Variants in CUX1 observed in about 807,000 individuals in gnomAD.
CUX1 encodes the protein cut like homeobox 1.
A neutral mutation model predicts 158.8 loss-of-function variants in CUX1; 31 were observed. That is an observed-to-expected ratio of 0.20 (90% confidence interval 0.15 to 0.26). The LOEUF is 0.26. CUX1 is among the 10% of genes least tolerant of loss of function. The pLI, the probability that CUX1 is intolerant of heterozygous loss-of-function variation, is 1.00. For synonymous variants in CUX1, 879 were observed against 862.1 expected, an observed-to-expected ratio of 1.02 and a Z score of -0.34; for missense variants, 1,589 against 2,014.6, an observed-to-expected ratio of 0.79 and a Z score of 4.04.
chr7:102,275,251 T>C (rs1177301345), exon 17 of CUX1: 2 of 1,608,004 alleles, frequency 1.2e-6, no homozygotes, highest in Non-Finnish European at 1.7e-6. Flanking sequence ...TGCTAGGACC[T>C]GCAGCACCAG....
intron 1 of CUX1, among the ~76,000 whole-genome samples, chr7:101,828,702 C>T (rs1793661080): frequency 1.0e-5 from 1 of 95,864 alleles, no homozygotes; most frequent in Non-Finnish European, 2.1e-5. Context: ...CCCTCATAGG[C>T]TTTGTGCCTC....
chr7:101,856,290 G>A (rs188116808), intron 1 of CUX1, among the ~76,000 whole-genome samples: 4 of 151,912 alleles, frequency 2.6e-5, no homozygotes, highest in African/African-American at 7.2e-5. Context: ...GCAGGGAGCC[G>A]TTAATCACGA....
intron 1 of CUX1, among the ~76,000 whole-genome samples, chr7:101,892,585 A>G (rs1801004683): frequency 6.6e-6 from 1 of 152,140 alleles, no homozygotes. Flanking sequence ...CAAGAATGTG[A>G]CTGTTTAATT....
At chr7:102,278,029 T>G (rs954892566) in exon 18 of CUX1, 3 of 1,610,202 alleles carry the variant, frequency 1.9e-6, no homozygotes, top group Non-Finnish European at 8.5e-7. Flanking sequence ...TCAAGCTCTT[T>G]GAGAAGATCA....
At chr7:102,081,299 C>T (rs376070840) in intron 4 of CUX1, among the ~76,000 whole-genome samples, 9 of 117,030 alleles carry the variant, frequency 7.7e-5, no homozygotes, top group African/African-American at 1.8e-4. Flanking sequence ...TCACCATTCA[C>T]GCAGGTGCTT....
At chr7:101,977,954 C>T (rs183943438) in intron 2 of CUX1, among the ~76,000 whole-genome samples, 1 of 151,936 alleles carries the variant, frequency 6.6e-6, no homozygotes, top group East Asian at 1.9e-4. Flanking sequence ...CCACTTTCCC[C>T]TTCTTAAAAC....
At chr7:102,214,041 A>T (rs1284899770) in intron 20 of CUX1, among the ~76,000 whole-genome samples, 1 of 152,178 alleles carries the variant, frequency 6.6e-6, no homozygotes, top group African/African-American at 2.4e-5. Flanking sequence ...AGGCTGAGGC[A>T]GGAGAATTAA....
At chr7:101,986,560 C>G (rs528075237) in intron 2 of CUX1, among the ~76,000 whole-genome samples, 2 of 152,154 alleles carry the variant, frequency 1.3e-5, no homozygotes, top group African/African-American at 4.8e-5. Flanking sequence ...CCAGGCCCAT[C>G]GCTGTGTTGG....
chr7:102,097,194 C>T (rs1198425208), intron 4 of CUX1, among the ~76,000 whole-genome samples, 170 bp from the exon 5 acceptor site: 1 of 152,276 alleles, frequency 6.6e-6, no homozygotes, highest in Non-Finnish European at 1.5e-5. Flanking sequence ...TTGTAAAGCA[C>T]TGGAGAATTC....
Position 101,939,897 on chromosome 7 carries a change from A to AT in CUX1, c.141+23673dup, listed in dbSNP as rs1299501763. Reference sequence around the variant, plus strand: ...GGAGTTCAAGACCAGCCTGACCGACATGGTGAAACCCCATCTCTACTAAAA... The same window carrying AT: ...GGAGTTCAAGACCAGCCTGACCGACATTGGTGAAACCCCATCTCTACTAAAA... On this transcript the variant is annotated intron_variant, in intron 2 of 23. Transcript: ENST00000292535. Among the ~76,000 whole-genome samples the AT allele has an allele frequency of 5.3e-5, 8 of 152,242 alleles. No homozygotes were observed. The East Asian group carries it at 1.5e-3, about 29-fold the overall frequency.
intron 1 of CUX1, among the ~76,000 whole-genome samples, chr7:101,889,902 T>G (rs975428170): frequency 1.3e-5 from 2 of 152,210 alleles, no homozygotes; most frequent in African/African-American, 4.8e-5. Context: ...TGAAACTCTC[T>G]CGCGATCCCA....
intron 2 of CUX1, among the ~76,000 whole-genome samples, chr7:101,918,765 CT>C (rs911822637): frequency 3.3e-5 from 5 of 151,888 alleles, no homozygotes; most frequent in South Asian, 2.1e-4. Context: ...CTGCTGGTAA[CT>C]TTTTTTTTAT....
chr7:102,021,237 G>T (rs150886148), intron 2 of CUX1, among the ~76,000 whole-genome samples: 1 of 152,126 alleles, frequency 6.6e-6, no homozygotes, highest in Non-Finnish European at 1.5e-5. Context: ...TGCAGTCAGG[G>T]TTATTTCCCA....
intron 20 of CUX1, among the ~76,000 whole-genome samples, chr7:102,207,457 T>A (rs868944632): frequency 7.4e-5 from 11 of 148,562 alleles, no homozygotes; most frequent in East Asian, 2.0e-4. Context: ...GAAAAAATAT[T>A]TTTTTTTTTT....
At chr7:101,913,478 T>C (rs1051972563) in intron 1 of CUX1, 4 of 1,120,192 alleles carry the variant, frequency 3.6e-6, no homozygotes, top group Non-Finnish European at 4.6e-6. Flanking sequence ...TTCAGTTTCC[T>C]CCTCCACCAG....
chr7:101,907,970 A>C (rs962219450), intron 1 of CUX1, among the ~76,000 whole-genome samples: 1 of 152,060 alleles, frequency 6.6e-6, no homozygotes, highest in African/African-American at 2.4e-5. Flanking sequence ...GAAAAAAAAA[A>C]CCATCGTTTA....
intron 8 of CUX1, among the ~76,000 whole-genome samples, chr7:102,149,958 A>G (rs902117441): frequency 6.6e-6 from 1 of 152,096 alleles, no homozygotes; most frequent in Non-Finnish European, 1.5e-5. Flanking sequence ...GTGGTGAAAA[A>G]TGTCCCCCCT....
chr7:101,944,385 T>C (rs1188995794), intron 2 of CUX1, among the ~76,000 whole-genome samples: 1 of 152,214 alleles, frequency 6.6e-6, no homozygotes, highest in African/African-American at 2.4e-5. Context: ...AGCGTTGTGC[T>C]CTGGCAGTCT....
chr7:101,971,234 C>T (rs959006411), intron 2 of CUX1, among the ~76,000 whole-genome samples: 3 of 152,202 alleles, frequency 2.0e-5, no homozygotes, highest in African/African-American at 4.8e-5. Flanking sequence ...TTCCTGCCCT[C>T]CTGGCTGGTT....
Sources: allele counts gnomAD v4.1 joint callset (sites outside exome capture counted in the v4.1 genomes callset), GRCh38; gene constraint gnomAD v4.1.1; transcripts MANE v1.5; gene names NCBI Gene and HGNC (gene_info 2026-07-23, HGNC 2026-07-21).